PPP1R2: variants seen among roughly 807,000 people sequenced by gnomAD.
The protein encoded by PPP1R2 is protein phosphatase 1 regulatory inhibitor subunit 2.
In PPP1R2, 16 loss-of-function variants were observed where a neutral mutation model predicts 29.9. That is an observed-to-expected ratio of 0.53 (90% CI 0.36 to 0.81). The LOEUF (loss-of-function observed/expected upper bound fraction) is 0.81, where lower values mean the gene tolerates loss of function less well. Among genes scored for constraint, PPP1R2 ranks in the 30% least tolerant of loss-of-function variants. The pLI is 0.00. For synonymous variants in PPP1R2, 76 were observed against 91.5 expected (o/e 0.83, Z 0.96); for missense variants, 197 against 252.7 (o/e 0.78, Z 1.49).
At chr3:195,525,835 A>G (rs1718950569) in intron 2 of PPP1R2, among the ~76,000 whole-genome samples, 1 of 152,226 alleles carries the variant, frequency 6.6e-6, no homozygotes, top group African/African-American at 2.4e-5. Flanking sequence ...TAAGGTGACA[A>G]GTAAGTCTAT....
intron 4 of PPP1R2, among the ~76,000 whole-genome samples, chr3:195,521,617 G>C (rs1269114512): frequency 1.3e-5 from 2 of 151,982 alleles, no homozygotes; most frequent in South Asian, 2.1e-4. Flanking sequence ...GTATGAGCCA[G>C]TGTTTTTGAA....
chr3:195,532,449 G>A (rs570686412), intron 1 of PPP1R2, among the ~76,000 whole-genome samples: 65 of 152,194 alleles, frequency 4.3e-4, no homozygotes, highest in African/African-American at 1.6e-3. Flanking sequence ...TTCTGGGACT[G>A]AACTAGACTG....
At chr3:195,517,199 G>T (rs1168688526) in intron 5 of PPP1R2, among the ~76,000 whole-genome samples, 3 of 152,066 alleles carry the variant, frequency 2.0e-5, no homozygotes, top group African/African-American at 7.2e-5. Context: ...CAGGTGGAAA[G>T]GTAAGAGTTT....
intron 1 of PPP1R2, among the ~76,000 whole-genome samples, chr3:195,535,197 G>A (rs1254368330): frequency 2.6e-5 from 4 of 152,180 alleles, no homozygotes; most frequent in Non-Finnish European, 5.9e-5. Flanking sequence ...GCGACCTAGA[G>A]CCCGCGCATG....
chr3:195,535,088 G>A (rs1719326087), intron 1 of PPP1R2, among the ~76,000 whole-genome samples: 1 of 152,200 alleles, frequency 6.6e-6, no homozygotes, highest in Admixed American at 6.5e-5. Flanking sequence ...GCGGTTTCGG[G>A]AAAGACAACT....
Position 195,543,147 on chromosome 3 carries a change from A to G in PPP1R2, c.-122T>C, listed in dbSNP as rs1390098491. 7.7e-7 allele frequency: 1 copy of G among 1,300,156 alleles called. No individual in the cohort carries two copies. The highest frequency in any genetic ancestry group is 1.5e-5 in the African/African-American group (1 of 64,620). 80.5% of individuals were successfully genotyped at this position (1,300,156 alleles called of 1,614,324 possible). ...TCCCGCTCAGGGCTAAAGCGGCCGCAACTGCTGCCTCGGAAACGGCTACCG... is the reference window on the plus strand; with the variant it reads ...TCCCGCTCAGGGCTAAAGCGGCCGCGACTGCTGCCTCGGAAACGGCTACCG... On this transcript the variant is annotated 5_prime_UTR_variant, in exon 1 of 6. Transcript: ENST00000618156.
At chr3:195,542,209 T>A (rs151141780) in intron 1 of PPP1R2, among the ~76,000 whole-genome samples, 2 of 152,324 alleles carry the variant, frequency 1.3e-5, no homozygotes, top group East Asian at 3.9e-4. Flanking sequence ...AATTAATATT[T>A]CACCAGCTCT....
chr3:195,520,643 G>A (rs1160842894), intron 4 of PPP1R2, among the ~76,000 whole-genome samples: 1 of 152,074 alleles, frequency 6.6e-6, no homozygotes, highest in African/African-American at 2.4e-5. Flanking sequence ...TTAAAAAGCA[G>A]AGACATCTCT....
intron 1 of PPP1R2, among the ~76,000 whole-genome samples, chr3:195,532,178 G>C (rs1330893221): frequency 6.7e-6 from 1 of 149,808 alleles, no homozygotes; most frequent in Non-Finnish European, 1.5e-5. Context: ...CCACAGGTAC[G>C]CACCACCATG....
rs115412280 is a variant in PPP1R2, at chr3:195,525,858, G to A, written c.231-962C>T. ...CAAGTAAGTCTATAGTTTAGATGAC[G>A]TTCTTTTTTCTAAGGGAAGTTGAAA... On this transcript the variant is annotated intron_variant, in intron 2 of 5. Coordinates refer to ENST00000618156, the MANE Select transcript of PPP1R2 (RefSeq NM_006241.8). Among the ~76,000 whole-genome samples the A allele has an allele frequency of 6.7e-3, 1,013 of 152,186 alleles. 11 individuals carry two copies. The highest frequency in any genetic ancestry group is 0.023 in the African/African-American group (946 of 41,512).
intron 1 of PPP1R2, among the ~76,000 whole-genome samples, chr3:195,542,090 C>A (rs765335821): frequency 2.0e-5 from 3 of 152,188 alleles, no homozygotes; most frequent in Non-Finnish European, 4.4e-5. Context: ...AGCCCCCGTG[C>A]ACTTCTAACC....
chr3:195,528,221 AC>A (rs1230244476), intron 2 of PPP1R2, among the ~76,000 whole-genome samples: 5 of 152,184 alleles, frequency 3.3e-5, no homozygotes, highest in Admixed American at 3.3e-4. Context: ...ATAAGTGAGA[AC>A]ATACAAGGTC....
At chr3:195,535,385 G>C (rs147158034) in intron 1 of PPP1R2, among the ~76,000 whole-genome samples, 97 of 152,328 alleles carry the variant, frequency 6.4e-4, no homozygotes, top group African/African-American at 2.3e-3. Context: ...TCACCACTGT[G>C]TATGCCATTG....
At chr3:195,533,293 A>T (rs862064) in intron 1 of PPP1R2, among the ~76,000 whole-genome samples, 121,627 of 151,162 alleles carry the variant, frequency 0.8, 49,197 homozygotes, top group East Asian at 0.99. Flanking sequence ...TGCAGTGAGC[A>T]GAGATCATGC....
chr3:195,532,224 T>C (rs1362172706), intron 1 of PPP1R2, among the ~76,000 whole-genome samples: 5 of 149,366 alleles, frequency 3.3e-5, no homozygotes, highest in Non-Finnish European at 6.0e-5. Flanking sequence ...TCTTTTTTTT[T>C]TTTTTTTTTT....
chr3:195,539,323 T>C (rs892216257), intron 1 of PPP1R2, among the ~76,000 whole-genome samples: 10 of 152,240 alleles, frequency 6.6e-5, no homozygotes, highest in Non-Finnish European at 1.2e-4. Context: ...CTGAGATTTA[T>C]CTATACTTAG....
chr3:195,529,670 C>T (rs1486306460), intron 2 of PPP1R2, 124 bp downstream of exon 2: 1 of 646,842 alleles, frequency 1.5e-6, no homozygotes, highest in East Asian at 2.9e-5. Flanking sequence ...AGGTTACTGA[C>T]TTCACTAGTG....
At chr3:195,531,082 C>A (rs1719163985) in intron 1 of PPP1R2, among the ~76,000 whole-genome samples, 1 of 152,212 alleles carries the variant, frequency 6.6e-6, no homozygotes, top group Admixed American at 6.5e-5. Context: ...CTGGGCCTCC[C>A]AAACTGCTGG....
rs80134223 is a variant in PPP1R2, at chr3:195,523,332, A to T, written c.403+360T>A. ...GTCCAACAACACAAAAAGCATAAGC[A>T]ACTGGGAAATTAGCTCTTTCAGCTA... On this transcript the variant is annotated intron_variant, in intron 4 of 5. Transcript: ENST00000618156. 1,320 of 228,850 alleles carry T rather than the reference A, an allele frequency of 5.8e-3. 6 individuals are homozygous for T. The highest frequency in any genetic ancestry group is 8.5e-3 in the Non-Finnish European group (965 of 114,124). 14.2% of individuals were successfully genotyped at this position (228,850 alleles called of 1,614,324 possible). A position where few individuals can be genotyped will look rare whatever the true frequency, so the allele number is the denominator to read the frequency against.
Sources: allele counts gnomAD v4.1 joint callset (sites outside exome capture counted in the v4.1 genomes callset), GRCh38; gene constraint gnomAD v4.1.1; transcripts MANE v1.5; gene names NCBI Gene and HGNC (gene_info 2026-07-23, HGNC 2026-07-21).